The following PAPOLA variants were observed in gnomAD, a reference collection of about 807,000 sequenced individuals.
The protein encoded by PAPOLA is polynucleotide adenylyltransferase alpha.
In PAPOLA, 15 loss-of-function variants were observed where a neutral mutation model predicts 100.6. That is an observed-to-expected ratio of 0.15 (90% CI 0.10 to 0.23). The LOEUF is 0.23. PAPOLA is among the 10% of genes least tolerant of loss of function. PAPOLA has a pLI of 1.00. For missense variants in PAPOLA, 533 were observed against 884.2 expected (o/e 0.60, Z 5.04); for synonymous variants, 293 against 300.0 (o/e 0.98, Z 0.24).
In PAPOLA at chr14:96,532,332, T is replaced by G; in HGVS notation, c.609T>G (p.Gly203=). 6.2e-7 allele frequency: 1 copy of G among 1,609,848 alleles called. No homozygotes were observed. Among genetic ancestry groups the G allele is most frequent in the Non-Finnish European group, 8.5e-7 (1 of 1,178,724 alleles). ...LDIRCIRSLN[G]CRVTDEILHL... The stretch of plus-strand genomic sequence containing the variant: ...TTTTTTTTTACCCCTATTAATTAGG[T>G]TGCAGGGTAACCGATGAAATTTTAC... The change falls in exon 8 of 22, where the codon GGT becomes GGG. Residue 203 remains glycine, a splice_region_variant and synonymous_variant. Coordinates refer to ENST00000216277, the MANE Select transcript of PAPOLA (RefSeq NM_032632.5).
chr14:96,551,220 A>G (rs1047332705), intron 16 of PAPOLA, among the ~76,000 whole-genome samples: 1 of 152,180 alleles, frequency 6.6e-6, no homozygotes, highest in Non-Finnish European at 1.5e-5. Context: ...TTTATCCCCA[A>G]CAGTGGCCTG....
chr14:96,552,730 A>T, intron 17 of PAPOLA, 108 bp downstream of exon 17: 1 of 1,068,890 alleles, frequency 9.4e-7, no homozygotes, highest in Non-Finnish European at 1.3e-6. Flanking sequence ...TTTTCATTCC[A>T]TCTACTAATT....
At chr14:96,531,877 C>T in intron 7 of PAPOLA, 2 of 1,369,148 alleles carry the variant, frequency 1.5e-6, no homozygotes, top group Non-Finnish European at 1.9e-6. Flanking sequence ...TGGCCTAACC[C>T]AAATTAATTT....
intron 1 of PAPOLA, among the ~76,000 whole-genome samples, chr14:96,509,706 T>C (rs779799702): frequency 1.5e-4 from 23 of 152,222 alleles, no homozygotes; most frequent in Non-Finnish European, 3.2e-4. Flanking sequence ...TACCGAATAC[T>C]GTAGGCACTT....
chr14:96,561,247 T>TC (rs578135924), intron 20 of PAPOLA, among the ~76,000 whole-genome samples: 360 of 150,264 alleles, frequency 2.4e-3, no homozygotes, highest in Non-Finnish European at 4.3e-3. Flanking sequence ...AATTTTTTTT[T>TC]CCCCAAAATG....
Position 96,564,905 on chromosome 14 carries a change from T to G in PAPOLA, c.2143-50T>G, listed in dbSNP as rs193088558. The G allele has an allele frequency of 1.2e-4, 118 of 953,888 alleles. No individual in the cohort carries two copies. The African/African-American group carries it at 1.7e-3, about 13-fold the overall frequency. 59.1% of individuals were successfully genotyped at this position (953,888 alleles called of 1,614,324 possible). A position where few individuals can be genotyped will look rare whatever the true frequency, so the allele number is the denominator to read the frequency against. ...AAGCAATGGAAAATACATCTCATTG[T>G]TAAATTATGGTGCTTTGAACAATGT... On this transcript the variant is annotated intron_variant, in intron 21 of 21. Transcript: ENST00000216277.
intron 9 of PAPOLA, chr14:96,533,584 TCA>T: frequency 1.4e-6 from 1 of 690,714 alleles, no homozygotes; most frequent in Non-Finnish European, 1.7e-6. Flanking sequence ...AGACGGAGTC[TCA>T]CTCTGTCACC....
At chr14:96,543,699 C>T (rs916892330) in intron 14 of PAPOLA, among the ~76,000 whole-genome samples, 1 of 151,904 alleles carries the variant, frequency 6.6e-6, no homozygotes, top group Non-Finnish European at 1.5e-5. Flanking sequence ...ACTAATTACT[C>T]CTGTTATGCT....
Position 96,544,160 on chromosome 14 carries a change from G to A in PAPOLA, c.1301G>A (p.Arg434His), listed in dbSNP as rs1221093073. The A allele has an allele frequency of 1.3e-6, 2 of 1,594,988 alleles. No homozygotes were observed. The highest frequency in any genetic ancestry group is 1.7e-6 in the Non-Finnish European group (2 of 1,163,524). ...GCTCTTCTTTGCAGGGAAGAATTTCGCACGATGTGGGTGATTGGGTTAGTG... is the reference window on the plus strand; with the variant it reads ...GCTCTTCTTTGCAGGGAAGAATTTCACACGATGTGGGTGATTGGGTTAGTG... ...PKENPDKEEF[R>H]TMWVIGLVFK... Residue 434 changes from arginine to histidine, a missense_variant, in exon 15 of 22, where the codon CGC (arginine) becomes CAC (histidine). Arg to His is a conservative substitution (Grantham distance 29). This residue lies in a region of PAPOLA where 19 missense variants were observed against 18.7 expected (regional missense o/e 1.01). Transcript: ENST00000216277.
intron 9 of PAPOLA, chr14:96,533,201 A>G: frequency 1.0e-6 from 1 of 982,614 alleles, no homozygotes; most frequent in Non-Finnish European, 1.2e-6. Flanking sequence ...TTTCATTTCC[A>G]CATATGTCAA....
chr14:96,539,702 A>C (rs1380780345), intron 12 of PAPOLA, among the ~76,000 whole-genome samples: 1 of 152,136 alleles, frequency 6.6e-6, no homozygotes, highest in Non-Finnish European at 1.5e-5. Flanking sequence ...GCACTTGTAA[A>C]ATAGGGGACC....
chr14:96,551,336 G>A (rs1032755192), intron 16 of PAPOLA, among the ~76,000 whole-genome samples: 4 of 152,150 alleles, frequency 2.6e-5, no homozygotes, highest in Non-Finnish European at 2.9e-5. Context: ...TGGAGAGTAA[G>A]ATTGGTAGCA....
In PAPOLA at chr14:96,531,963, G is replaced by A. The variant is rs554678719; in HGVS notation, c.608-368G>A. 4.8e-6 allele frequency: 6 copies of A among 1,256,578 alleles called. No individual in the cohort carries two copies. In the East Asian group the frequency reaches 1.5e-4, roughly 32 times the overall value. The allele number at this position is 1,256,578 out of a possible 1,614,324, so 77.8% of individuals were successfully genotyped here. On this transcript the variant is annotated intron_variant, in intron 7 of 21. Coordinates refer to ENST00000216277, the MANE Select transcript of PAPOLA (RefSeq NM_032632.5). ...ACTACTTTGGTACAATTTTATATTA[G>A]CATAGCTTGTTACTGTGCTCTTGAA...
At chr14:96,502,893 A>C in intron 1 of PAPOLA, 1 of 398,940 alleles carries the variant, frequency 2.5e-6, no homozygotes, top group Non-Finnish European at 4.5e-6. Context: ...CGGCCACTCC[A>C]GCTTCTCCGC....
At chr14:96,555,258 T>A (rs1901214752) in intron 17 of PAPOLA, among the ~76,000 whole-genome samples, 1 of 149,982 alleles carries the variant, frequency 6.7e-6, no homozygotes, top group East Asian at 1.9e-4. Flanking sequence ...TTTTTTCTTG[T>A]AGAGACGAGG....
chr14:96,507,183 A>G (rs894854242), intron 1 of PAPOLA, among the ~76,000 whole-genome samples: 3 of 152,060 alleles, frequency 2.0e-5, no homozygotes, highest in African/African-American at 2.4e-5. Flanking sequence ...AGAAGCAGCT[A>G]TGAGAATCCA....
intron 2 of PAPOLA, among the ~76,000 whole-genome samples, chr14:96,520,460 C>G (rs1897858509): frequency 6.6e-6 from 1 of 152,258 alleles, no homozygotes; most frequent in African/African-American, 2.4e-5. Context: ...ACCACAGCCT[C>G]CGCCTCCTGG....
intron 1 of PAPOLA, 27 bp from the exon 2 acceptor site, chr14:96,520,028 A>T: frequency 6.4e-7 from 1 of 1,552,650 alleles, no homozygotes; most frequent in Non-Finnish European, 8.8e-7. Flanking sequence ...TTCTTTTGGC[A>T]GTAATTGTAT....
At chr14:96,520,966 A>T (rs45604538) in intron 2 of PAPOLA, 40 bp from the exon 3 acceptor site, 50,088 of 914,772 alleles carry the variant, frequency 0.055, 1,558 homozygotes, top group Admixed American at 0.066. Flanking sequence ...TTAATCAGTA[A>T]TGATCTGGAA....
Sources: gnomAD v4.1 joint callset for allele counts (sites outside exome capture counted in the v4.1 genomes callset) on GRCh38, gnomAD v4.1.1 for gene constraint, gnomAD v4.1.1 regional missense constraint, MANE v1.5 for transcripts, NCBI Gene and HGNC (gene_info 2026-07-23, HGNC 2026-07-21) for gene names.